RAPGEF5: variants seen among roughly 807,000 people sequenced by gnomAD.
RAPGEF5 encodes the protein M-Ras-regulated GEF.
A neutral mutation model predicts 125.2 loss-of-function variants in RAPGEF5; 65 were observed. The observed-to-expected ratio is 0.52, with a 90% CI of 0.43 to 0.64. The LOEUF is 0.64. Ranked by LOEUF, RAPGEF5 falls within the 30% of genes least tolerant of loss-of-function variation. The pLI is 0.00. For synonymous variants in RAPGEF5, 391 were observed against 385.9 expected, an observed-to-expected ratio of 1.01 and a Z score of -0.16; for missense variants, 958 against 1,048.1, an observed-to-expected ratio of 0.91 and a Z score of 1.19.
intron 6 of RAPGEF5, among the ~76,000 whole-genome samples, chr7:22,290,807 C>T (rs1398842034): frequency 1.3e-5 from 2 of 151,402 alleles, no homozygotes; most frequent in East Asian, 1.9e-4. Flanking sequence ...AAACTAGTGA[C>T]CCGGCCTTTT....
intron 1 of RAPGEF5, among the ~76,000 whole-genome samples, chr7:22,329,059 T>C (rs1522280): frequency 0.29 from 44,304 of 152,118 alleles, 6,597 homozygotes; most frequent in East Asian, 0.39. Context: ...GTGTTTACTT[T>C]TCCTGTTTAA....
At chr7:22,248,447 C>A (rs1403129325) in intron 7 of RAPGEF5, among the ~76,000 whole-genome samples, 1 of 152,172 alleles carries the variant, frequency 6.6e-6, no homozygotes, top group Non-Finnish European at 1.5e-5. Flanking sequence ...AACTTCCAGA[C>A]TGGGTGTGTT....
At chr7:22,315,744 A>G (rs1783575744) in intron 2 of RAPGEF5, among the ~76,000 whole-genome samples, 2 of 151,844 alleles carry the variant, frequency 1.3e-5, no homozygotes, top group East Asian at 3.9e-4. Flanking sequence ...ATTTAACTAC[A>G]GTTATAAATA....
At chr7:22,212,504 T>C (rs577347081) in intron 9 of RAPGEF5, among the ~76,000 whole-genome samples, 73 of 152,356 alleles carry the variant, frequency 4.8e-4, no homozygotes, top group African/African-American at 1.5e-3. Context: ...GTCAGAGATG[T>C]ATCAGGGCAG....
At chr7:22,324,066 G>GA (rs773809694) in intron 1 of RAPGEF5, among the ~76,000 whole-genome samples, 4 of 152,028 alleles carry the variant, frequency 2.6e-5, no homozygotes, top group Non-Finnish European at 4.4e-5. Context: ...AAGTACACAG[G>GA]AAAAAATAAC....
intron 9 of RAPGEF5, among the ~76,000 whole-genome samples, chr7:22,195,407 T>G (rs1214342684): frequency 6.6e-6 from 1 of 152,226 alleles, no homozygotes; most frequent in Non-Finnish European, 1.5e-5. Context: ...AGGATTTTCT[T>G]AAAAACGAAA....
chr7:22,178,737 T>G (rs567600795), intron 11 of RAPGEF5, among the ~76,000 whole-genome samples: 1 of 152,282 alleles, frequency 6.6e-6, no homozygotes, highest in Non-Finnish European at 1.5e-5. Context: ...TGAATTTCAT[T>G]GTTTAGAGTT....
rs143210734 is a variant in RAPGEF5 at position 22,287,955 on chromosome 7, C to T, written c.747+3220G>A. ...TACAGGATATTTTCAATTTTGCAGG[C>T]CGATTGCCCACCAGTTGAAGAGATG... On this transcript the variant is annotated intron_variant, in intron 6 of 25. Coordinates refer to ENST00000665637, the MANE Select transcript of RAPGEF5 (RefSeq NM_012294.5). 4.7e-3 allele frequency among the ~76,000 whole-genome samples: 716 copies of T among 152,274 alleles called. 28 individuals are homozygous for T. Among genetic ancestry groups the T allele is most frequent in the Admixed American group, 0.042 (649 of 15,294 alleles).
intron 8 of RAPGEF5, among the ~76,000 whole-genome samples, chr7:22,224,403 C>T (rs1785865092): frequency 1.3e-5 from 2 of 152,184 alleles, no homozygotes; most frequent in Admixed American, 1.3e-4. Context: ...CACTTAAATA[C>T]ATTTCTATTA....
intron 14 of RAPGEF5, among the ~76,000 whole-genome samples, chr7:22,158,677 G>A (rs1348805246): frequency 1.5e-5 from 2 of 130,762 alleles, no homozygotes; most frequent in Non-Finnish European, 3.2e-5. Flanking sequence ...CCAGGCTAGA[G>A]TGCAGTGGCG....
At chr7:22,127,683 C>T (rs918444892) in intron 24 of RAPGEF5, among the ~76,000 whole-genome samples, 3 of 152,288 alleles carry the variant, frequency 2.0e-5, no homozygotes, top group African/African-American at 7.2e-5. Flanking sequence ...TCTGGGCCTC[C>T]AATTTGGGTC....
intron 24 of RAPGEF5, among the ~76,000 whole-genome samples, chr7:22,130,511 G>C (rs181223348): frequency 4.8e-4 from 73 of 152,290 alleles, no homozygotes; most frequent in Middle Eastern, 3.4e-3. Flanking sequence ...TTGTCCATAG[G>C]CTGATAAAGG....
chr7:22,219,569 T>C (rs1785727289), intron 9 of RAPGEF5, among the ~76,000 whole-genome samples: 1 of 151,770 alleles, frequency 6.6e-6, no homozygotes, highest in Admixed American at 6.6e-5. Context: ...AAAATCAAAC[T>C]TGAAAGCCAC....
At chr7:22,234,576 G>A (rs1419764) in intron 7 of RAPGEF5, among the ~76,000 whole-genome samples, 22,839 of 152,156 alleles carry the variant, frequency 0.15, 2,366 homozygotes, top group African/African-American at 0.29. Context: ...TAAAGCATAT[G>A]CTTTGAGTGG....
At chr7:22,284,193 T>C (rs1174419259) in intron 6 of RAPGEF5, among the ~76,000 whole-genome samples, 5 of 152,028 alleles carry the variant, frequency 3.3e-5, no homozygotes, top group Non-Finnish European at 5.9e-5. Context: ...TGACAAGCAA[T>C]AGAAATATAC....
chr7:22,332,138 T>G (rs1389285591), intron 1 of RAPGEF5, among the ~76,000 whole-genome samples: 1 of 152,220 alleles, frequency 6.6e-6, no homozygotes, highest in African/African-American at 2.4e-5. Flanking sequence ...TTTAACTATA[T>G]TTGACAGATT....
chr7:22,281,320 TC>T (rs1379224507), intron 6 of RAPGEF5, among the ~76,000 whole-genome samples: 1 of 152,196 alleles, frequency 6.6e-6, no homozygotes, highest in East Asian at 1.9e-4. Context: ...CAAGCCATCC[TC>T]CCACCTCAGC....
At chr7:22,240,908 C>T (rs2128136182) in intron 7 of RAPGEF5, among the ~76,000 whole-genome samples, 1 of 152,294 alleles carries the variant, frequency 6.6e-6, no homozygotes, top group Non-Finnish European at 1.5e-5. Flanking sequence ...TCTGAGCCTA[C>T]CTATGTGTCA....
intron 9 of RAPGEF5, among the ~76,000 whole-genome samples, chr7:22,208,604 AT>A (rs1785445897): frequency 6.6e-6 from 1 of 152,222 alleles, no homozygotes; most frequent in Non-Finnish European, 1.5e-5. Flanking sequence ...CAGCTAAGGA[AT>A]AATTCCCTTC....
Sources: gnomAD v4.1 joint callset for allele counts (sites outside exome capture counted in the v4.1 genomes callset) on GRCh38, gnomAD v4.1.1 for gene constraint, MANE v1.5 for transcripts, NCBI Gene and HGNC (gene_info 2026-07-23, HGNC 2026-07-21) for gene names.